Variants in LARGE1 observed in about 807,000 individuals in gnomAD.
LARGE1 encodes LARGE xylosyl- and glucuronyltransferase 1.
In LARGE1, 43 loss-of-function variants were observed where a neutral mutation model predicts 87.6. The observed-to-expected ratio is 0.49, with a 90% confidence interval of 0.38 to 0.63. LARGE1 has a LOEUF of 0.63. Ranked by LOEUF, LARGE1 falls within the 30% of genes least tolerant of loss-of-function variation. The probability of loss-of-function intolerance (pLI) is 0.00; values close to 1 mark genes in which losing one functional copy is unlikely to be tolerated. For missense variants in LARGE1, 802 were observed against 1,000.2 expected (o/e 0.80, Z 2.67); for synonymous variants, 434 against 394.6 (o/e 1.10, Z -1.18).
chr22:33,321,137 T>C (rs192072725), intron 10 of LARGE1: 94 of 152,320 alleles, frequency 6.2e-4, no homozygotes, highest in African/African-American at 2.1e-3. Flanking sequence ...ATAGAAGGAT[T>C]CTGAAAGATG....
intron 2 of LARGE1, among the ~76,000 whole-genome samples, chr22:33,713,197 T>C (rs980208407): frequency 1.3e-5 from 2 of 152,200 alleles, no homozygotes; most frequent in African/African-American, 2.4e-5. Context: ...AGAAGGATTA[T>C]GCATAATAGT....
chr22:33,588,412 A>G (rs2078740409), intron 5 of LARGE1, among the ~76,000 whole-genome samples: 1 of 152,206 alleles, frequency 6.6e-6, no homozygotes, highest in South Asian at 2.1e-4. Context: ...AAGATGAGGA[A>G]GGGAGATTCC....
In LARGE1 at chr22:33,301,127, T is replaced by C. The variant is rs977653924; in HGVS notation, c.1730+3102A>G. On this transcript the variant is annotated intron_variant, in intron 12 of 14. Coordinates refer to ENST00000397394, the MANE Select transcript of LARGE1 (RefSeq NM_133642.5). ...ACCTCAACTCCCACCAGTGATGCTA[T>C]GGTGTGCACAAGGGGCATCCACTGG... Among the ~76,000 whole-genome samples the C allele has an allele frequency of 2.6e-5, 4 of 152,260 alleles. No homozygotes were observed. In the South Asian group the frequency reaches 6.2e-4, roughly 24 times the overall value.
intron 1 of LARGE1, among the ~76,000 whole-genome samples, chr22:33,819,604 T>C (rs2086759970): frequency 6.6e-6 from 1 of 152,056 alleles, no homozygotes; most frequent in Non-Finnish European, 1.5e-5. Flanking sequence ...CTGCCTTGAC[T>C]TCAAATAATT....
intron 5 of LARGE1, among the ~76,000 whole-genome samples, chr22:33,578,071 C>T (rs1360663794): frequency 6.6e-6 from 1 of 152,170 alleles, no homozygotes; most frequent in Non-Finnish European, 1.5e-5. Flanking sequence ...TCAAGCCCTG[C>T]TTCAGAAGAT....
At chr22:33,372,458 G>A (rs2064845270) in intron 9 of LARGE1, among the ~76,000 whole-genome samples, 1 of 152,178 alleles carries the variant, frequency 6.6e-6, no homozygotes, top group Non-Finnish European at 1.5e-5. Context: ...AGTTCCACGT[G>A]GTTGAGGAGG....
intron 1 of LARGE1, among the ~76,000 whole-genome samples, chr22:33,831,366 C>A (rs1034157620): frequency 6.6e-6 from 1 of 152,206 alleles, no homozygotes; most frequent in Admixed American, 6.5e-5. Context: ...TGCACCCCCC[C>A]TCTGCTTTGC....
At chr22:33,121,722 G>A in the LARGE1 span, among the ~76,000 whole-genome samples, 1 of 152,150 alleles carries the variant, frequency 6.6e-6, no homozygotes, top group East Asian at 1.9e-4. Context: ...GCTAATGTGT[G>A]AGATATAAAG....
At chr22:33,902,107 A>G (rs916422262) in intron 1 of LARGE1, among the ~76,000 whole-genome samples, 5 of 152,210 alleles carry the variant, frequency 3.3e-5, no homozygotes, top group African/African-American at 1.2e-4. Context: ...TAGCTCTGAG[A>G]ATGAACAGAA....
intron 1 of LARGE1, chr22:33,873,202 A>C (rs1414655793): frequency 6.6e-6 from 1 of 152,230 alleles, no homozygotes; most frequent in Non-Finnish European, 1.5e-5. Context: ...GCCCCGATAG[A>C]GCACACCACC....
intron 6 of LARGE1, among the ~76,000 whole-genome samples, chr22:33,547,848 A>G (rs2077406871): frequency 6.7e-6 from 1 of 150,004 alleles, no homozygotes; most frequent in Non-Finnish European, 1.5e-5. Context: ...AAAATGTACC[A>G]TATTAATAAT....
chr22:33,279,373 T>A (rs1929995780), intron 13 of LARGE1, among the ~76,000 whole-genome samples: 1 of 152,164 alleles, frequency 6.6e-6, no homozygotes, highest in South Asian at 2.1e-4. Context: ...CTGTGGGCAG[T>A]CTCTCCAAAG....
chr22:33,916,525 GAA>G (rs2065791842), intron 1 of LARGE1, among the ~76,000 whole-genome samples: 1 of 152,164 alleles, frequency 6.6e-6, no homozygotes, highest in Non-Finnish European at 1.5e-5. Flanking sequence ...GAGAAATGCT[GAA>G]CACCTCTCAA....
At chr22:33,413,709 C>T (rs556129547) in intron 7 of LARGE1, among the ~76,000 whole-genome samples, 1 of 152,106 alleles carries the variant, frequency 6.6e-6, no homozygotes, top group Non-Finnish European at 1.5e-5. Context: ...TTGTGATCTG[C>T]CCGCCTCGGC....
rs182173068 is a variant in LARGE1 at position 33,829,420 on chromosome 22, C to G, written c.-82-67862G>C. 2.9e-3 allele frequency among the ~76,000 whole-genome samples: 447 copies of G among 152,284 alleles called. 8 individuals carry two copies. Among genetic ancestry groups the G allele is most frequent in the East Asian group, 2.5e-3 (13 of 5,178 alleles). On this transcript the variant is annotated intron_variant, in intron 1 of 14. Transcript: ENST00000397394. ...TATTTCCCCTTCTCACCACTCCATG[C>G]CACCTGACGTATTTCATACCTATTT... is the stretch of plus-strand genomic sequence containing the variant.
chr22:33,587,511 A>AT lies in LARGE1; in HGVS notation c.615+16923dup, dbSNP rs200582488. ...ATATTTGTATATTTTTACCATTTGC[A>AT]TTTTTTTGCGAGTTCCCTTATTCTT... On this transcript the variant is annotated intron_variant, in intron 5 of 14. Transcript: ENST00000397394. Among the ~76,000 whole-genome samples the AT allele has an allele frequency of 2.5e-3, 382 of 151,948 alleles. 2 individuals carry two copies. The highest frequency in any genetic ancestry group is 8.7e-3 in the African/African-American group (361 of 41,476).
intron 1 of LARGE1, among the ~76,000 whole-genome samples, chr22:33,820,248 CAATA>C (rs1316088428): frequency 6.6e-6 from 1 of 152,142 alleles, no homozygotes; most frequent in African/African-American, 2.4e-5. Context: ...TAAGGCCTGA[CAATA>C]GATGTTTTTA....
intron 11 of LARGE1, among the ~76,000 whole-genome samples, chr22:33,251,326 G>A (rs1418707141): frequency 6.6e-6 from 1 of 152,166 alleles, no homozygotes; most frequent in Non-Finnish European, 1.5e-5. Context: ...AGCTCAACTA[G>A]TGAAACACAC....
intron 1 of LARGE1, among the ~76,000 whole-genome samples, chr22:33,833,416 A>G (rs73406614): frequency 0.052 from 7,940 of 152,256 alleles, 693 homozygotes; most frequent in African/African-American, 0.18. Context: ...CAGTGTCCTT[A>G]TAAGAAGAGG....
Sources: allele counts gnomAD v4.1 joint callset (sites outside exome capture counted in the v4.1 genomes callset), GRCh38; gene constraint gnomAD v4.1.1; transcripts MANE v1.5; gene names NCBI Gene and HGNC (gene_info 2026-07-23, HGNC 2026-07-21).